Variants in XIRP2 observed in about 807,000 individuals in gnomAD.
XIRP2 encodes xin actin-binding repeat-containing protein 2.
A neutral mutation model predicts 277.0 loss-of-function variants in XIRP2; 236 were observed. The observed-to-expected ratio is 0.85, with a 90% CI of 0.77 to 0.95. XIRP2 has a LOEUF of 0.95. XIRP2 is among the 40% of genes least tolerant of loss of function. The pLI, the probability that XIRP2 is intolerant of heterozygous loss-of-function variation, is 0.00. For synonymous variants in XIRP2, 1,490 were observed against 1,416.5 expected (o/e 1.05, Z -1.17); for missense variants, 4,640 against 4,157.5 (o/e 1.12, Z -3.19).
intron 2 of XIRP2, among the ~76,000 whole-genome samples, chr2:167,131,600 T>C (rs1691379876): frequency 6.6e-6 from 1 of 152,208 alleles, no homozygotes; most frequent in Non-Finnish European, 1.5e-5. Flanking sequence ...AATTAATACT[T>C]TCAATACAAG....
At chr2:167,094,110 G>A (rs755620789) in intron 2 of XIRP2, among the ~76,000 whole-genome samples, 18 of 152,170 alleles carry the variant, frequency 1.2e-4, no homozygotes, top group Non-Finnish European at 1.8e-4. Flanking sequence ...CCACATAAAT[G>A]TCTTCTTTCG....
chr2:166,902,221 A>C (rs187850346), intron 1 of XIRP2, among the ~76,000 whole-genome samples: 28 of 152,252 alleles, frequency 1.8e-4, no homozygotes, highest in Admixed American at 1.7e-3. Context: ...TTATCTTTAA[A>C]AGTGAAGGAG....
intron 2 of XIRP2, among the ~76,000 whole-genome samples, chr2:166,904,767 T>A (rs576654199): frequency 5.3e-5 from 8 of 152,184 alleles, no homozygotes; most frequent in African/African-American, 1.9e-4. Context: ...AGTCCACGCT[T>A]TTTTGTTTGT....
intron 2 of XIRP2, among the ~76,000 whole-genome samples, chr2:166,935,199 T>C (rs561311952): frequency 6.6e-6 from 1 of 152,352 alleles, no homozygotes; most frequent in South Asian, 2.1e-4. Flanking sequence ...GTCTAATAGA[T>C]GGTAGCAGCA....
At chr2:167,069,074 A>C (rs6747597) in intron 2 of XIRP2, among the ~76,000 whole-genome samples, 25,418 of 152,010 alleles carry the variant, frequency 0.17, 2,321 homozygotes, top group African/African-American at 0.26. Context: ...CAAGTCCTTT[A>C]TATAAAACGG....
chr2:167,017,394 C>T (rs1326725642), intron 2 of XIRP2, among the ~76,000 whole-genome samples: 1 of 151,970 alleles, frequency 6.6e-6, no homozygotes, highest in African/African-American at 2.4e-5. Flanking sequence ...CCATGTATTC[C>T]TCTCTGTCAA....
intron 2 of XIRP2, among the ~76,000 whole-genome samples, chr2:167,067,884 A>T (rs1026168401): frequency 1.3e-5 from 2 of 152,206 alleles, no homozygotes; most frequent in African/African-American, 4.8e-5. Context: ...GAAATTTCTC[A>T]GGCCTTATGT....
At chr2:167,063,416 G>A (rs113678765) in intron 2 of XIRP2, among the ~76,000 whole-genome samples, 1 of 152,058 alleles carries the variant, frequency 6.6e-6, no homozygotes, top group African/African-American at 2.4e-5. Flanking sequence ...TATCAATTTA[G>A]TAAGTGGGTT....
chr2:166,977,160 TA>T (rs947618676), intron 2 of XIRP2, among the ~76,000 whole-genome samples: 1 of 152,218 alleles, frequency 6.6e-6, no homozygotes, highest in African/African-American at 2.4e-5. Flanking sequence ...ATCCTTTTTT[TA>T]AAAAGTTTGG....
chr2:167,040,887 C>T (rs1361479445), intron 2 of XIRP2, among the ~76,000 whole-genome samples: 2 of 152,242 alleles, frequency 1.3e-5, no homozygotes, highest in Admixed American at 1.3e-4. Context: ...CAGCCTCCCC[C>T]TGCCAAATTG....
chr2:167,204,719 A>T (rs1443294376), intron 3 of XIRP2, among the ~76,000 whole-genome samples: 2 of 152,112 alleles, frequency 1.3e-5, no homozygotes, highest in Non-Finnish European at 2.9e-5. Context: ...CAATATTAAC[A>T]TTTTTTTCTG....
chr2:166,979,970 A>G (rs761055726), intron 2 of XIRP2, among the ~76,000 whole-genome samples: 1 of 152,114 alleles, frequency 6.6e-6, no homozygotes, highest in Non-Finnish European at 1.5e-5. Context: ...AATTTTTTTC[A>G]AGAAAGACTG....
At chr2:166,978,157 G>C (rs1266263185) in intron 2 of XIRP2, among the ~76,000 whole-genome samples, 4 of 151,840 alleles carry the variant, frequency 2.6e-5, no homozygotes, top group Non-Finnish European at 5.9e-5. Context: ...TGTTGCATTG[G>C]CGCTTTTGTT....
At chr2:166,903,957 C>G (rs1684453450) in intron 2 of XIRP2, 67 bp downstream of exon 2, 1 of 1,531,160 alleles carries the variant, frequency 6.5e-7, no homozygotes. Flanking sequence ...CCATTTATTA[C>G]TAAGCATGTA....
Position 167,250,194 on chromosome 2 carries a change from G to A in XIRP2, c.8802G>A (p.Gln2934=), listed in dbSNP as rs745333183. The change falls in exon 9 of 11, where the codon CAG becomes CAA. Residue 2934 remains glutamine, a synonymous_variant. Transcript: ENST00000409195. The stretch of plus-strand genomic sequence containing the variant: ...TCTTTTCCTCTGTGAAAGAATCCCA[G>A]CGGGATGATGGAAAAGGTGCCTTAA... The part of the protein sequence containing the change: ...KSFFSSVKES[Q]RDDGKGALNI... 1.9e-5 allele frequency: 30 copies of A among 1,613,426 alleles called. No homozygotes were observed. In the East Asian group the frequency reaches 2.9e-4, roughly 16 times the overall value.
At chr2:167,204,431 G>A (rs1309995564) in intron 3 of XIRP2, among the ~76,000 whole-genome samples, 2 of 152,144 alleles carry the variant, frequency 1.3e-5, no homozygotes, top group Admixed American at 6.5e-5. Flanking sequence ...TTAATAGGTA[G>A]CATCAGAATT....
At chr2:167,053,359 G>GA (rs1171498049) in intron 2 of XIRP2, among the ~76,000 whole-genome samples, 2 of 152,016 alleles carry the variant, frequency 1.3e-5, no homozygotes, top group Non-Finnish European at 2.9e-5. Flanking sequence ...GTTCTTCTTT[G>GA]AAAAAAGATA....
chr2:167,054,767 T>C (rs1193216894), intron 2 of XIRP2, among the ~76,000 whole-genome samples: 1 of 151,982 alleles, frequency 6.6e-6, no homozygotes, highest in Non-Finnish European at 1.5e-5. Context: ...TTAACCTTAA[T>C]TGGGAAGACA....
chr2:167,258,974 G>A lies in XIRP2; in HGVS notation c.*1157G>A. ...CAGCAGAGGCCTTATGGTAAAGGGGGGAAGTTCAATCATCTCTCCTGATAC... is the reference window on the plus strand; with the variant it reads ...CAGCAGAGGCCTTATGGTAAAGGGGAGAAGTTCAATCATCTCTCCTGATAC... On this transcript the variant is annotated 3_prime_UTR_variant, in exon 11 of 11. Transcript: ENST00000409195. The A allele has an allele frequency of 1.2e-6, 2 of 1,612,116 alleles. No individual in the cohort carries two copies. Among genetic ancestry groups the A allele is most frequent in the Non-Finnish European group, 1.7e-6 (2 of 1,179,066 alleles).
Sources: allele counts gnomAD v4.1 joint callset (sites outside exome capture counted in the v4.1 genomes callset), GRCh38; gene constraint gnomAD v4.1.1; transcripts MANE v1.5; gene names NCBI Gene and HGNC (gene_info 2026-07-23, HGNC 2026-07-21).